The following TTC1 variants were observed in gnomAD, a reference collection of about 807,000 sequenced individuals.
TTC1 encodes the protein tetratricopeptide repeat protein 1.
A neutral mutation model predicts 37.6 loss-of-function variants in TTC1; 31 were observed. The ratio of observed to expected loss-of-function variants is 0.82; its 90% CI spans 0.62 to 1.11. The LOEUF (loss-of-function observed/expected upper bound fraction) is 1.11, where lower values mean the gene tolerates loss of function less well. Ranked by LOEUF, TTC1 falls within the 50% of genes most tolerant of loss-of-function variation. The pLI, the probability that TTC1 is intolerant of heterozygous loss-of-function variation, is 0.00. For synonymous variants in TTC1, 127 were observed against 122.4 expected (o/e 1.04, Z -0.25); for missense variants, 351 against 339.0 (o/e 1.04, Z -0.28).
chr5:160,041,485 G>T (rs1757092050), intron 4 of TTC1, among the ~76,000 whole-genome samples: 1 of 151,562 alleles, frequency 6.6e-6, no homozygotes, highest in Non-Finnish European at 1.5e-5. Context: ...TAATTTTTTT[G>T]TATTTTTTCT....
At chr5:160,019,108 T>C (rs1466797682) in intron 2 of TTC1, among the ~76,000 whole-genome samples, 3 of 152,256 alleles carry the variant, frequency 2.0e-5, no homozygotes, top group Non-Finnish European at 4.4e-5. Context: ...GTCATTTCAA[T>C]GGGTTTGCTC....
chr5:160,062,451 C>T (rs1305619736), intron 7 of TTC1, among the ~76,000 whole-genome samples: 2 of 152,198 alleles, frequency 1.3e-5, no homozygotes, highest in East Asian at 1.9e-4. Flanking sequence ...CAGAAAGCAC[C>T]TCTGGGCACA....
chr5:160,038,983 T>C (rs570960258), intron 4 of TTC1: 1 of 152,362 alleles, frequency 6.6e-6, no homozygotes, highest in South Asian at 2.1e-4. Context: ...TTTAATACTT[T>C]ATGAAGACTC....
intron 2 of TTC1, among the ~76,000 whole-genome samples, chr5:160,023,165 A>G (rs1466532609): frequency 6.6e-6 from 1 of 152,024 alleles, no homozygotes; most frequent in Non-Finnish European, 1.5e-5. Context: ...CTGAGGCAGG[A>G]GAATCACTTG....
At chr5:160,041,022 A>G (rs1757082215) in intron 4 of TTC1, among the ~76,000 whole-genome samples, 1 of 151,896 alleles carries the variant, frequency 6.6e-6, no homozygotes. Context: ...AGGCCTACAC[A>G]GGATCAGGAG....
intron 7 of TTC1, among the ~76,000 whole-genome samples, chr5:160,060,770 C>G (rs886913134): frequency 3.3e-5 from 5 of 152,198 alleles, no homozygotes; most frequent in Admixed American, 2.0e-4. Flanking sequence ...CTGTCATCGG[C>G]ACAAACAGCA....
chr5:160,056,927 C>CA (rs1757561312), intron 7 of TTC1, among the ~76,000 whole-genome samples: 1 of 152,100 alleles, frequency 6.6e-6, no homozygotes, highest in Non-Finnish European at 1.5e-5. Context: ...GACTTGTTAC[C>CA]ACCCCTCTTA....
chr5:160,013,398 TAA>T, intron 2 of TTC1, among the ~76,000 whole-genome samples: 1 of 143,186 alleles, frequency 7.0e-6, no homozygotes. Context: ...CAACAATGAC[TAA>T]AAAAAAAAAA....
intron 2 of TTC1, among the ~76,000 whole-genome samples, chr5:160,019,348 CTG>C (rs916175293): frequency 6.6e-6 from 1 of 152,150 alleles, no homozygotes; most frequent in Non-Finnish European, 1.5e-5. Flanking sequence ...TCTCTTCCCT[CTG>C]TCATTTTTCC....
intron 2 of TTC1, among the ~76,000 whole-genome samples, chr5:160,014,850 T>A (rs1042891343): frequency 6.6e-6 from 1 of 152,238 alleles, no homozygotes; most frequent in African/African-American, 2.4e-5. Context: ...CATAGATGTG[T>A]TGCAGCATCA....
chr5:160,059,099 AAG>A (rs1757627935), intron 7 of TTC1, among the ~76,000 whole-genome samples: 1 of 152,206 alleles, frequency 6.6e-6, no homozygotes, highest in Admixed American at 6.5e-5. Context: ...ATCGCCTAAC[AAG>A]AGAGTCAGCC....
chr5:160,060,270 G>A (rs1757662343), intron 7 of TTC1, among the ~76,000 whole-genome samples: 1 of 152,206 alleles, frequency 6.6e-6, no homozygotes, highest in African/African-American at 2.4e-5. Context: ...TAAACTGCCT[G>A]ATGCACAGTC....
chr5:160,051,084 T>TTG, intron 6 of TTC1, 45 bp from the exon 7 acceptor site: 1 of 375,562 alleles, frequency 2.7e-6, no homozygotes, highest in African/African-American at 1.5e-4. Context: ...AGGTTTTGGT[T>TTG]TTTTTTTTTT....
intron 2 of TTC1, among the ~76,000 whole-genome samples, chr5:160,015,214 T>C (rs943645863): frequency 6.6e-6 from 1 of 152,128 alleles, no homozygotes; most frequent in Admixed American, 6.6e-5. Flanking sequence ...AAAGCTTTTT[T>C]CTTCTTGTGT....
chr5:160,032,931 G>A (rs974332721), intron 2 of TTC1, among the ~76,000 whole-genome samples: 1 of 150,590 alleles, frequency 6.6e-6, no homozygotes, highest in Non-Finnish European at 1.5e-5. Flanking sequence ...TCACTATGTC[G>A]GCCAGGATGG....
intron 6 of TTC1, 24 bp downstream of exon 6, chr5:160,049,686 A>G: frequency 2.0e-6 from 3 of 1,522,978 alleles, no homozygotes; most frequent in Non-Finnish European, 2.6e-6. Context: ...TTTTAAAAAT[A>G]TTTTTCCTTC....
intron 7 of TTC1, among the ~76,000 whole-genome samples, chr5:160,051,760 C>T (rs769319044): frequency 1.3e-5 from 2 of 152,152 alleles, no homozygotes; most frequent in Admixed American, 1.3e-4. Context: ...GAACCTCCCA[C>T]GAGCAATCTG....
chr5:160,010,940 C>T, intron 2 of TTC1, 82 bp downstream of exon 2: 1 of 1,264,960 alleles, frequency 7.9e-7, no homozygotes. Context: ...TAGACCACCT[C>T]ATCTGTGGTA....
chr5:160,017,193 TAAC>T (rs1756621292), intron 2 of TTC1, among the ~76,000 whole-genome samples: 1 of 152,202 alleles, frequency 6.6e-6, no homozygotes, highest in African/African-American at 2.4e-5. Context: ...ATTGCAATAA[TAAC>T]ATTATGATAC....
Sources: gnomAD v4.1 joint callset for allele counts (sites outside exome capture counted in the v4.1 genomes callset) on GRCh38, gnomAD v4.1.1 for gene constraint, MANE v1.5 for transcripts, NCBI Gene and HGNC (gene_info 2026-07-23, HGNC 2026-07-21) for gene names.